RBM27: variants seen among roughly 807,000 people sequenced by gnomAD.
RBM27 encodes RNA binding motif protein 27.
RBM27 carries 22 observed loss-of-function variants against 135.3 expected under a neutral mutation model. The ratio of observed to expected loss-of-function variants is 0.16; its 90% CI spans 0.12 to 0.23. RBM27 has a LOEUF of 0.23. RBM27 is among the 10% of genes least tolerant of loss of function. The probability of loss-of-function intolerance (pLI) is 1.00; values close to 1 mark genes in which losing one functional copy is unlikely to be tolerated. For synonymous variants in RBM27, 481 were observed against 442.4 expected, an observed-to-expected ratio of 1.09 and a Z score of -1.10; for missense variants, 1,009 against 1,281.0, an observed-to-expected ratio of 0.79 and a Z score of 3.24.
chr5:146,242,825 C>T (rs369692961), intron 8 of RBM27, among the ~76,000 whole-genome samples: 6 of 151,944 alleles, frequency 3.9e-5, no homozygotes, highest in East Asian at 1.9e-4. Context: ...CCCAAACTCC[C>T]GACCTCAGGT....
At chr5:146,285,797 T>G (rs992051522) in intron 20 of RBM27, 150 bp from the exon 21 acceptor site, 1 of 536,570 alleles carries the variant, frequency 1.9e-6, no homozygotes, top group African/African-American at 2.0e-5. Flanking sequence ...TGGGCTTTTT[T>G]TTTTTTTTGC....
At chr5:146,262,203 A>G (rs1479880392) in intron 13 of RBM27, among the ~76,000 whole-genome samples, 2 of 152,224 alleles carry the variant, frequency 1.3e-5, no homozygotes, top group Admixed American at 6.5e-5. Flanking sequence ...AAATATACAT[A>G]TTTAACAAGT....
chr5:146,254,041 T>C (rs7721797), intron 9 of RBM27, among the ~76,000 whole-genome samples: 1 of 152,338 alleles, frequency 6.6e-6, no homozygotes, highest in African/African-American at 2.4e-5. Flanking sequence ...CATAACCAAA[T>C]GAATACATTT....
rs1369853206 is a variant in RBM27, at chr5:146,262,977, C to T, written c.2191-514C>T. Among the ~76,000 whole-genome samples the T allele has an allele frequency of 4.0e-5, 6 of 151,750 alleles. No individual in the cohort carries two copies. The East Asian group carries it at 7.7e-4, about 20-fold the overall frequency. ...AGTCTTGGTTCACTGCAACCTCTGC[C>T]TCCTGGTTCAGGCTACCTGCCTCAG... is the stretch of plus-strand genomic sequence containing the variant. On this transcript the variant is annotated intron_variant, in intron 13 of 20. Coordinates refer to ENST00000265271, the MANE Select transcript of RBM27 (RefSeq NM_018989.2).
intron 20 of RBM27, among the ~76,000 whole-genome samples, chr5:146,285,163 A>C (rs1392969819): frequency 6.6e-6 from 1 of 152,120 alleles, no homozygotes; most frequent in Non-Finnish European, 1.5e-5. Context: ...TAGAGGAGAG[A>C]ATTGGAAAAC....
At chr5:146,217,132 A>G (rs555416475) in intron 1 of RBM27, among the ~76,000 whole-genome samples, 1 of 151,970 alleles carries the variant, frequency 6.6e-6, no homozygotes, top group Admixed American at 6.6e-5. Flanking sequence ...TTGCCTGGCT[A>G]ATTTTTGTAT....
At chr5:146,274,297 C>T (rs1758995404) in intron 19 of RBM27, among the ~76,000 whole-genome samples, 1 of 151,690 alleles carries the variant, frequency 6.6e-6, no homozygotes, top group South Asian at 2.1e-4. Flanking sequence ...CCATCTGTCA[C>T]CCAGGCTGGA....
chr5:146,235,033 A>AAAATAAATAAATAAATAAAT (rs59434635), intron 7 of RBM27, among the ~76,000 whole-genome samples: 74 of 139,526 alleles, frequency 5.3e-4, no homozygotes, highest in East Asian at 1.5e-3. Flanking sequence ...CCCTGTCTCA[A>AAAATAAATAAATAAATAAAT]AAATAAATAA....
intron 1 of RBM27, among the ~76,000 whole-genome samples, chr5:146,205,795 C>T (rs1304812279): frequency 6.6e-6 from 1 of 152,064 alleles, no homozygotes; most frequent in Non-Finnish European, 1.5e-5. Context: ...CCTAGGCGGG[C>T]GGATCATGAG....
chr5:146,261,590 A>G lies in RBM27; in HGVS notation c.1974A>G (p.Thr658=), dbSNP rs963897094. 1 of 1,614,266 alleles carries G rather than the reference A, an allele frequency of 6.2e-7. No individual in the cohort carries two copies. Among genetic ancestry groups the G allele is most frequent in the Non-Finnish European group, 8.5e-7 (1 of 1,180,042 alleles). The change falls in exon 13 of 21, where the codon ACA becomes ACG. Residue 658 remains threonine (T), a synonymous_variant. Transcript: ENST00000265271. ...NEEARKAISS[T]EAVLNNRFIR... ...AGGCCAGGAAAGCCATTTCTAGCAC[A>G]GAAGCAGTTCTAAACAACCGATTCA...
intron 6 of RBM27, among the ~76,000 whole-genome samples, chr5:146,233,023 A>G (rs908299314): frequency 2.3e-4 from 35 of 152,240 alleles, no homozygotes; most frequent in African/African-American, 8.4e-4. Context: ...CAACTTCCAG[A>G]TATAGCAATA....
At chr5:146,278,279 A>G (rs962599030) in intron 19 of RBM27, among the ~76,000 whole-genome samples, 1 of 152,232 alleles carries the variant, frequency 6.6e-6, no homozygotes, top group African/African-American at 2.4e-5. Flanking sequence ...CCTAATATGC[A>G]TATAATTTTT....
intron 11 of RBM27, among the ~76,000 whole-genome samples, chr5:146,259,996 A>G: frequency 7.0e-6 from 1 of 142,944 alleles, no homozygotes; most frequent in Admixed American, 7.1e-5. Context: ...AAAAAAAAAA[A>G]AAAAAAAAAA....
At chr5:146,279,411 C>T (rs1453183826) in intron 19 of RBM27, among the ~76,000 whole-genome samples, 1 of 151,332 alleles carries the variant, frequency 6.6e-6, no homozygotes, top group East Asian at 2.0e-4. Context: ...CGCGCCACTG[C>T]ACTCCAGCCT....
intron 13 of RBM27, among the ~76,000 whole-genome samples, chr5:146,262,170 C>T (rs78681802): frequency 2.6e-5 from 4 of 152,200 alleles, no homozygotes; most frequent in African/African-American, 9.7e-5. Flanking sequence ...TCTGTAGAGT[C>T]AGTCTCTAGA....
intron 6 of RBM27, 85 bp from the exon 7 acceptor site, chr5:146,233,365 G>A: frequency 6.8e-7 from 1 of 1,472,508 alleles, no homozygotes; most frequent in Middle Eastern, 1.9e-4. Flanking sequence ...AATGAGATTG[G>A]TGGGTTTTTC....
intron 2 of RBM27, among the ~76,000 whole-genome samples, chr5:146,222,611 G>A (rs1044685262): frequency 2.0e-5 from 3 of 152,206 alleles, no homozygotes; most frequent in Non-Finnish European, 4.4e-5. Context: ...TTGAACCCAG[G>A]AGGTGGAGGT....
intron 1 of RBM27, among the ~76,000 whole-genome samples, chr5:146,207,183 A>G (rs1581126838): frequency 6.6e-6 from 1 of 152,160 alleles, no homozygotes; most frequent in South Asian, 2.1e-4. Context: ...TGCACCGGCT[A>G]GGTTGGAATC....
At chr5:146,240,551 T>C (rs763647484) in intron 8 of RBM27, among the ~76,000 whole-genome samples, 7 of 152,216 alleles carry the variant, frequency 4.6e-5, no homozygotes, top group Non-Finnish European at 1.0e-4. Context: ...GGTCTCGAAC[T>C]CCTGACCTCA....
Sources: allele counts gnomAD v4.1 joint callset (sites outside exome capture counted in the v4.1 genomes callset), GRCh38; gene constraint gnomAD v4.1.1; transcripts MANE v1.5; gene names NCBI Gene and HGNC (gene_info 2026-07-23, HGNC 2026-07-21).